THSD7B: variants seen among roughly 807,000 people sequenced by gnomAD.
THSD7B encodes the protein thrombospondin type 1 domain containing 7B, also known as thrombospondin type-1 domain-containing protein 7B.
A neutral mutation model predicts 213.6 loss-of-function variants in THSD7B; 138 were observed. That is an observed-to-expected ratio of 0.65 (90% CI 0.56 to 0.74). THSD7B has a LOEUF of 0.74. THSD7B is among the 30% of genes least tolerant of loss of function. THSD7B has a pLI of 0.00. For synonymous variants in THSD7B, 742 were observed against 687.0 expected (o/e 1.08, Z -1.25); for missense variants, 1,931 against 1,991.5 (o/e 0.97, Z 0.58).
At chr2:137,596,070 C>CA (rs1681951937) in intron 17 of THSD7B, among the ~76,000 whole-genome samples, 1 of 151,632 alleles carries the variant, frequency 6.6e-6, no homozygotes. Flanking sequence ...ATTGTAGGGT[C>CA]AAAAAAATGA....
chr2:137,494,471 C>A (rs1679513787), intron 15 of THSD7B, among the ~76,000 whole-genome samples: 1 of 152,152 alleles, frequency 6.6e-6, no homozygotes, highest in African/African-American at 2.4e-5. Flanking sequence ...AGCTGAGATC[C>A]TGTACCCTAG....
chr2:136,937,530 C>T (rs138583626), intron 2 of THSD7B, among the ~76,000 whole-genome samples: 16 of 152,234 alleles, frequency 1.1e-4, no homozygotes, highest in African/African-American at 3.6e-4. Context: ...TAATTGTTCA[C>T]GCATTGATAT....
chr2:136,790,869 G>A (rs1681954078), intron 1 of THSD7B, among the ~76,000 whole-genome samples: 1 of 152,024 alleles, frequency 6.6e-6, no homozygotes, highest in Non-Finnish European at 1.5e-5. Flanking sequence ...AAGAGGAGAG[G>A]GGAAACAGCG....
intron 26 of THSD7B, among the ~76,000 whole-genome samples, chr2:137,667,531 G>T (rs1683472784): frequency 6.6e-6 from 1 of 152,088 alleles, no homozygotes; most frequent in Non-Finnish European, 1.5e-5. Flanking sequence ...TTTCTAGTAG[G>T]AAACCCGTAT....
chr2:137,054,005 T>C (rs1184392263), intron 2 of THSD7B, among the ~76,000 whole-genome samples: 1 of 152,180 alleles, frequency 6.6e-6, no homozygotes, highest in African/African-American at 2.4e-5. Flanking sequence ...GGACAATGAA[T>C]AGAACACTTA....
chr2:137,484,461 A>C (rs1232109385), intron 15 of THSD7B, among the ~76,000 whole-genome samples: 1 of 118,144 alleles, frequency 8.5e-6, no homozygotes, highest in African/African-American at 3.3e-5. Context: ...TGCTATTGTG[A>C]ATAGTGCCGC....
chr2:137,072,786 C>G (rs1211788948), intron 3 of THSD7B, among the ~76,000 whole-genome samples: 4 of 152,106 alleles, frequency 2.6e-5, no homozygotes, highest in African/African-American at 7.2e-5. Flanking sequence ...CCATCAATAC[C>G]TAATTTATTG....
chr2:137,302,328 G>A (rs575115121), intron 12 of THSD7B, among the ~76,000 whole-genome samples: 2 of 152,252 alleles, frequency 1.3e-5, no homozygotes, highest in Non-Finnish European at 2.9e-5. Flanking sequence ...GCATGGAGAA[G>A]ACCCAGAGAG....
intron 4 of THSD7B, among the ~76,000 whole-genome samples, chr2:137,102,543 C>T (rs959960563): frequency 1.9e-4 from 29 of 152,122 alleles, no homozygotes; most frequent in African/African-American, 4.6e-4. Context: ...ATGAGTTTGA[C>T]GAATTGACAG....
intron 2 of THSD7B, among the ~76,000 whole-genome samples, chr2:136,964,003 T>C (rs535712624): frequency 1.2e-3 from 48 of 38,436 alleles, no homozygotes; most frequent in East Asian, 0.012. Flanking sequence ...CCCAACTCTT[T>C]GTCTGTCCTC....
At chr2:137,307,210 A>G (rs567049060) in intron 12 of THSD7B, among the ~76,000 whole-genome samples, 2 of 152,238 alleles carry the variant, frequency 1.3e-5, no homozygotes, top group African/African-American at 2.4e-5. Context: ...TATTAGGTCT[A>G]TTAGATGAGA....
intron 1 of THSD7B, among the ~76,000 whole-genome samples, chr2:136,845,024 C>T (rs1339749041): frequency 6.6e-6 from 1 of 152,196 alleles, no homozygotes; most frequent in Non-Finnish European, 1.5e-5. Context: ...TTTGCATCTG[C>T]TTCTAGATAA....
intron 1 of THSD7B, among the ~76,000 whole-genome samples, chr2:136,787,108 G>C (rs1054475636): frequency 6.6e-6 from 1 of 152,054 alleles, no homozygotes; most frequent in Non-Finnish European, 1.5e-5. Flanking sequence ...TTTGTTTCCA[G>C]GATGAGTGTA....
At chr2:137,227,712 T>G (rs1681541290) in intron 7 of THSD7B, among the ~76,000 whole-genome samples, 1 of 152,298 alleles carries the variant, frequency 6.6e-6, no homozygotes, top group Middle Eastern at 3.4e-3. Context: ...ACCATGTCAA[T>G]AAAAGGATCT....
chr2:136,967,824 C>T (rs890638507), intron 2 of THSD7B, among the ~76,000 whole-genome samples: 4 of 151,886 alleles, frequency 2.6e-5, no homozygotes, highest in Non-Finnish European at 4.4e-5. Flanking sequence ...TGGATGCTTC[C>T]CTAAAGAAAA....
intron 17 of THSD7B, among the ~76,000 whole-genome samples, chr2:137,587,596 G>T (rs551935169): frequency 4.6e-5 from 7 of 152,302 alleles, no homozygotes; most frequent in South Asian, 2.1e-4. Flanking sequence ...TTTGCTGGAG[G>T]TCCACTCCAA....
At chr2:136,949,927 G>A (rs1685005901) in intron 2 of THSD7B, among the ~76,000 whole-genome samples, 1 of 152,162 alleles carries the variant, frequency 6.6e-6, no homozygotes, top group Non-Finnish European at 1.5e-5. Flanking sequence ...CAAAGACTTG[G>A]AACCAACCCA....
intron 12 of THSD7B, among the ~76,000 whole-genome samples, chr2:137,285,077 G>A (rs578172840): frequency 6.6e-6 from 1 of 151,968 alleles, no homozygotes; most frequent in African/African-American, 2.4e-5. Context: ...TATGAATCTG[G>A]GTGCTCCCGT....
intron 10 of THSD7B, among the ~76,000 whole-genome samples, chr2:137,263,443 A>G (rs1044950904): frequency 6.6e-6 from 1 of 152,138 alleles, no homozygotes; most frequent in African/African-American, 2.4e-5. Context: ...TCATATAGCA[A>G]TTCAGTAATG....
Sources: gnomAD v4.1 joint callset for allele counts (sites outside exome capture counted in the v4.1 genomes callset) on GRCh38, gnomAD v4.1.1 for gene constraint, MANE v1.5 for transcripts, NCBI Gene and HGNC (gene_info 2026-07-23, HGNC 2026-07-21) for gene names.